IL15RA: variants seen among roughly 807,000 people sequenced by gnomAD.
IL15RA encodes the protein interleukin 15 receptor subunit alpha.
In IL15RA, 26 loss-of-function variants were observed where a neutral mutation model predicts 24.2. The observed-to-expected ratio is 1.07, with a 90% CI of 0.79 to 1.49. The LOEUF (loss-of-function observed/expected upper bound fraction) is 1.49, where lower values mean the gene tolerates loss of function less well. Ranked by LOEUF, IL15RA falls within the 40% of genes most tolerant of loss-of-function variation. The pLI, the probability that IL15RA is intolerant of heterozygous loss-of-function variation, is 0.00. For missense variants in IL15RA, 354 were observed against 356.4 expected (o/e 0.99, Z 0.05); for synonymous variants, 166 against 157.6 (o/e 1.05, Z -0.40).
chr10:5,948,961 A>G (rs1174928637), downstream of IL15RA: 6 of 271,832 alleles, frequency 2.2e-5, no homozygotes, highest in East Asian at 4.7e-4. Context: ...CAAATCATAT[A>G]TAATGTGTAG....
downstream of IL15RA, among the ~76,000 whole-genome samples, chr10:5,951,202 G>A (rs1362511825): frequency 6.7e-6 from 1 of 148,668 alleles, no homozygotes; most frequent in East Asian, 2.0e-4. Flanking sequence ...GTGTGTGCCT[G>A]TGCCTGTAGT....
chr10:5,968,977 C>G lies in IL15RA; in HGVS notation c.89-2638G>C. ...GTGTTCCCTGCCCATTTCCAGCAGC[C>G]GTGGACCTCCAGGGCTGTTTGTGTA... On this transcript the variant is annotated intron_variant, in intron 1 of 6. Transcript: ENST00000379977. The surrounding 1 kb of genome is among the most constrained non-coding windows in gnomAD (Gnocchi z 5.4). The G allele has an allele frequency of 6.5e-7, 1 of 1,534,794 alleles. No homozygotes were observed. Among genetic ancestry groups the G allele is most frequent in the Non-Finnish European group, 8.7e-7 (1 of 1,146,310 alleles).
At position 5,960,783 on chromosome 10, in the gene IL15RA, C is replaced by T. The variant is rs549323165; in HGVS notation, c.383-216G>A. On this transcript the variant is annotated intron_variant, in intron 3 of 6. Transcript: ENST00000379977. This position sits in a 1 kb window ranked among gnomAD's most constrained non-coding sequence, Gnocchi z 5.1. ...AAAGAACATGGCTACTATCACGGCA[C>T]GTATAAAGAAAAGATCAGCCAGACA... Among the ~76,000 whole-genome samples, 49 of 152,152 alleles carry T rather than the reference C, an allele frequency of 3.2e-4. No individual in the cohort carries two copies. Among genetic ancestry groups the T allele is most frequent in the African/African-American group, 1.1e-3 (45 of 41,508 alleles).
Position 5,960,234 on chromosome 10 carries a change from C to G in IL15RA, c.583+133G>C, listed in dbSNP as rs982579918. 2 of 850,862 alleles carry G rather than the reference C, an allele frequency of 2.4e-6. No individual in the cohort carries two copies. The highest frequency in any genetic ancestry group is 3.8e-6 in the Non-Finnish European group (2 of 523,332). The allele number at this position is 850,862 out of a possible 1,614,324, so 52.7% of individuals were successfully genotyped here. A position where few individuals can be genotyped will look rare whatever the true frequency, so the allele number is the denominator to read the frequency against. ...AGGCCAGGACGCCGTGGCTGGTGGC[C>G]GGGGCCAGCAGGCTGCCCAGTGAAT... On this transcript the variant is annotated intron_variant, in intron 4 of 6. Transcript: ENST00000379977. The surrounding 1 kb of genome is among the most constrained non-coding windows in gnomAD (Gnocchi z 5.1).
At chr10:5,957,028 C>T (rs991721713) in intron 5 of IL15RA, among the ~76,000 whole-genome samples, 4 of 146,598 alleles carry the variant, frequency 2.7e-5, no homozygotes, top group Middle Eastern at 3.6e-3. Context: ...GGCACTATCT[C>T]GGCTCATTGC....
In IL15RA at chr10:5,962,465, G is replaced by A. The variant is rs532946521; in HGVS notation, c.382+1278C>T. Reference sequence around the variant, plus strand: ...AAATTAGCCAGGCGTGGTGGTGCACGCCTGTGATCCCAGCTACTTGGGAGG... The same window carrying A: ...AAATTAGCCAGGCGTGGTGGTGCACACCTGTGATCCCAGCTACTTGGGAGG... On this transcript the variant is annotated intron_variant, in intron 3 of 6. Coordinates refer to ENST00000379977, the MANE Select transcript of IL15RA (RefSeq NM_002189.4). The surrounding 1 kb of genome is among the most constrained non-coding windows in gnomAD (Gnocchi z 5.2). Among the ~76,000 whole-genome samples the A allele has an allele frequency of 6.6e-5, 10 of 152,010 alleles. No homozygotes were observed. Among genetic ancestry groups the A allele is most frequent in the Non-Finnish European group, 1.5e-4 (10 of 67,998 alleles).
Position 5,970,190 on chromosome 10 carries a change from G to T in IL15RA, c.89-3851C>A, listed in dbSNP as rs539440118. Among the ~76,000 whole-genome samples, 4 of 152,156 alleles carry T rather than the reference G, an allele frequency of 2.6e-5. No homozygotes were observed. The South Asian group carries it at 8.3e-4, about 32-fold the overall frequency. Reference sequence around the variant, plus strand: ...GTACTAGTTTAGTGGTTGTTTTAGGGTGTCCACTATATATCTTTACCTTAT... The same window carrying T: ...GTACTAGTTTAGTGGTTGTTTTAGGTTGTCCACTATATATCTTTACCTTAT... On this transcript the variant is annotated intron_variant, in intron 1 of 6. Transcript: ENST00000379977. The surrounding 1 kb of genome is among the most constrained non-coding windows in gnomAD (Gnocchi z 4.1).
At position 5,960,115 on chromosome 10, in the gene IL15RA, C is replaced by A. The variant is rs779404019; in HGVS notation, c.583+252G>T. ...TCCCAGCTGCACAGGCTCTGCCATG[C>A]GGGTGATAAGGCTGGCCCTGTCACA... On this transcript the variant is annotated intron_variant, in intron 4 of 6. Coordinates refer to ENST00000379977, the MANE Select transcript of IL15RA (RefSeq NM_002189.4). This position sits in a 1 kb window ranked among gnomAD's most constrained non-coding sequence, Gnocchi z 5.1. 3.9e-5 allele frequency among the ~76,000 whole-genome samples: 6 copies of A among 152,290 alleles called. No homozygotes were observed. The highest frequency in any genetic ancestry group is 3.4e-3 in the Middle Eastern group (1 of 294).
downstream of IL15RA, chr10:5,949,190 G>C (rs1380065503): frequency 4.2e-6 from 2 of 471,144 alleles, no homozygotes; most frequent in Non-Finnish European, 8.8e-6. This position sits in a 1 kb window ranked among gnomAD's most constrained non-coding sequence, Gnocchi z 4.4. Context: ...CACGCCAGGA[G>C]GAGCCTTGTA....
At chr10:5,956,809 G>T (rs1196509745) in intron 5 of IL15RA, among the ~76,000 whole-genome samples, 1 of 152,150 alleles carries the variant, frequency 6.6e-6, no homozygotes, top group Non-Finnish European at 1.5e-5. Flanking sequence ...CATTCCTGCT[G>T]CTAAAGCCAG....
At chr10:5,969,385 T>G (rs2132604786) in intron 1 of IL15RA, among the ~76,000 whole-genome samples, 1 of 142,282 alleles carries the variant, frequency 7.0e-6, no homozygotes, top group South Asian at 2.2e-4. Flanking sequence ...TAAATTAAAT[T>G]TTTCCAAGAT....
chr10:5,956,957 AT>A (rs767909938), intron 5 of IL15RA, among the ~76,000 whole-genome samples: 6,243 of 127,540 alleles, frequency 0.049, 87 homozygotes, highest in African/African-American at 0.092. Flanking sequence ...TTCACTTGCA[AT>A]TTTTTTTTTT....
Position 5,960,287 on chromosome 10 carries a change from T to C in IL15RA, c.583+80A>G. On this transcript the variant is annotated intron_variant, in intron 4 of 6. Transcript: ENST00000379977. This position sits in a 1 kb window ranked among gnomAD's most constrained non-coding sequence, Gnocchi z 5.1. ...TGACTTTGGATTGATGGTATAAAGC[T>C]GCCTTGTGCCGGATCTCAGCCCCGA... The C allele has an allele frequency of 1.5e-6, 2 of 1,295,620 alleles. No individual in the cohort carries two copies. The highest frequency in any genetic ancestry group is 1.5e-5 in the African/African-American group (1 of 68,608). 80.3% of individuals were successfully genotyped at this position (1,295,620 alleles called of 1,614,324 possible). A position where few individuals can be genotyped will look rare whatever the true frequency, so the allele number is the denominator to read the frequency against.
chr10:5,962,575 G>C lies in IL15RA; in HGVS notation c.382+1168C>G, dbSNP rs866442743. ...CCTCTGCCCTCCAGACTGGGCAATA[G>C]AGCAAGACCCCATCTCAAAAAAAAA... On this transcript the variant is annotated intron_variant, in intron 3 of 6. Transcript: ENST00000379977. The surrounding 1 kb of genome is among the most constrained non-coding windows in gnomAD (Gnocchi z 5.2). Among the ~76,000 whole-genome samples the C allele has an allele frequency of 6.9e-6, 1 of 143,930 alleles. No individual in the cohort carries two copies. Among genetic ancestry groups the C allele is most frequent in the Non-Finnish European group, 1.5e-5 (1 of 66,708 alleles). 94.4% of individuals were successfully genotyped at this position (143,930 alleles called of 152,430 possible). A position where few individuals can be genotyped will look rare whatever the true frequency, so the allele number is the denominator to read the frequency against.
chr10:5,960,582 A>G lies in IL15RA; in HGVS notation c.383-15T>C. On this transcript the variant is annotated splice_polypyrimidine_tract_variant and intron_variant, in intron 3 of 6. Transcript: ENST00000379977. This position sits in a 1 kb window ranked among gnomAD's most constrained non-coding sequence, Gnocchi z 5.1. ...AGCTGCGGGCTCTGTAGGAGAGTCC[A>G]AGGCAGGGACAACATCAGTGTGCAG... The G allele has an allele frequency of 6.2e-7, 1 of 1,611,818 alleles. No homozygotes were observed. Among genetic ancestry groups the G allele is most frequent in the African/African-American group, 1.3e-5 (1 of 74,976 alleles).
At position 5,965,555 on chromosome 10, in the gene IL15RA, C is replaced by T. The variant is rs532526878; in HGVS notation, c.283+590G>A. 5.9e-5 allele frequency among the ~76,000 whole-genome samples: 9 copies of T among 152,220 alleles called. No homozygotes were observed. Among genetic ancestry groups the T allele is most frequent in the Non-Finnish European group, 1.2e-4 (8 of 68,034 alleles). ...CAGCCCGCAGTGTGGATATCAAGTC[C>T]GTTTTCCAGATGACCAGCCAGAGTG... On this transcript the variant is annotated intron_variant, in intron 2 of 6. Transcript: ENST00000379977. The surrounding 1 kb of genome is among the most constrained non-coding windows in gnomAD (Gnocchi z 5.8).
rs1838238876 is a variant in IL15RA at position 5,975,235 on chromosome 10, ATAC to A, written c.88+2167_88+2169del. On this transcript the variant is annotated intron_variant, in intron 1 of 6. Transcript: ENST00000379977. This position sits in a 1 kb window ranked among gnomAD's most constrained non-coding sequence, Gnocchi z 4.8. ...AAATGATGGGCTAGCCATGGGTAGA[ATAC>A]TACTACTCAATGGTAGAAACTAATG... Among the ~76,000 whole-genome samples the A allele has an allele frequency of 6.6e-6, 1 of 152,256 alleles. No individual in the cohort carries two copies. The highest frequency in any genetic ancestry group is 6.5e-5 in the Admixed American group (1 of 15,290).
At chr10:5,951,141 C>CAAAAAAAA (rs60771366), downstream of IL15RA, among the ~76,000 whole-genome samples, 19 of 35,946 alleles carry the variant, frequency 5.3e-4, no homozygotes, top group African/African-American at 1.5e-3. Context: ...GACTCAGTCT[C>CAAAAAAAA]AAAAAAAAAA....
rs538240865 is a variant in IL15RA at position 5,961,539 on chromosome 10, C to T, written c.383-972G>A. On this transcript the variant is annotated intron_variant, in intron 3 of 6. Transcript: ENST00000379977. This position sits in a 1 kb window ranked among gnomAD's most constrained non-coding sequence, Gnocchi z 5.2. ...TGAAGCTGCGCTGGCCGAGGACGCT[C>T]GGAGCGGCTGCGTGTGAAACACGGG... 1.3e-5 allele frequency among the ~76,000 whole-genome samples: 2 copies of T among 152,240 alleles called. No homozygotes were observed. Among genetic ancestry groups the T allele is most frequent in the South Asian group, 2.1e-4 (1 of 4,834 alleles).
Sources: gnomAD v4.1 joint callset for allele counts (sites outside exome capture counted in the v4.1 genomes callset) on GRCh38, gnomAD v4.1.1 for gene constraint, Gnocchi (gnomAD v3.1) non-coding constraint, MANE v1.5 for transcripts, NCBI Gene and HGNC (gene_info 2026-07-23, HGNC 2026-07-21) for gene names.